Variants in PARP8 observed in about 807,000 individuals in gnomAD.
The protein encoded by PARP8 is poly(ADP-ribose) polymerase family member 8, also known as protein mono-ADP-ribosyltransferase PARP8.
In PARP8, 51 loss-of-function variants were observed where a neutral mutation model predicts 124.1. The observed-to-expected ratio is 0.41, with a 90% confidence interval of 0.33 to 0.52. The LOEUF (loss-of-function observed/expected upper bound fraction) is 0.52. PARP8 is among the 20% of genes least tolerant of loss of function. The pLI, the probability that PARP8 is intolerant of heterozygous loss-of-function variation, is 0.21. For synonymous variants in PARP8, 391 were observed against 361.5 expected, an observed-to-expected ratio of 1.08 and a Z score of -0.93; for missense variants, 860 against 1,018.9, an observed-to-expected ratio of 0.84 and a Z score of 2.12.
chr5:50,698,689 T>G (rs1248125749), intron 2 of PARP8, among the ~76,000 whole-genome samples: 1 of 152,136 alleles, frequency 6.6e-6, no homozygotes, highest in African/African-American at 2.4e-5. Flanking sequence ...ATCCCTTCTC[T>G]TAATGGATTG....
At chr5:50,835,373 T>C (rs1208113031) in intron 25 of PARP8, among the ~76,000 whole-genome samples, 7 of 152,016 alleles carry the variant, frequency 4.6e-5, no homozygotes, top group Non-Finnish European at 8.8e-5. Context: ...TGAAACGCTA[T>C]CTCTACTAAA....
intron 2 of PARP8, among the ~76,000 whole-genome samples, chr5:50,741,124 G>A (rs1758002143): frequency 6.6e-6 from 1 of 152,106 alleles, no homozygotes; most frequent in Admixed American, 6.5e-5. Context: ...ACATCTACAT[G>A]TTAGTGAATA....
intron 2 of PARP8, among the ~76,000 whole-genome samples, chr5:50,670,604 A>C (rs1749899534): frequency 6.6e-6 from 1 of 152,262 alleles, no homozygotes; most frequent in South Asian, 2.1e-4. Flanking sequence ...TCAGAGTGGC[A>C]GTTAACATCT....
At chr5:50,828,416 A>G in intron 21 of PARP8, 32 bp downstream of exon 21, 3 of 1,570,758 alleles carry the variant, frequency 1.9e-6, no homozygotes, top group Non-Finnish European at 2.6e-6. Context: ...ACAAGACTTC[A>G]TTCTTCTTCA....
At chr5:50,735,321 A>G (rs1757367082) in intron 2 of PARP8, among the ~76,000 whole-genome samples, 1 of 152,168 alleles carries the variant, frequency 6.6e-6, no homozygotes, top group African/African-American at 2.4e-5. Flanking sequence ...TTATAGATAA[A>G]TGCACTTGAA....
intron 2 of PARP8, among the ~76,000 whole-genome samples, chr5:50,721,263 T>C (rs1357284780): frequency 1.3e-5 from 2 of 152,032 alleles, no homozygotes; most frequent in African/African-American, 2.4e-5. Flanking sequence ...CTGGGAGTGC[T>C]TCCTCTGAGA....
intron 6 of PARP8, 75 bp from the exon 7 acceptor site, chr5:50,763,073 C>A: frequency 9.2e-7 from 1 of 1,089,654 alleles, no homozygotes; most frequent in East Asian, 2.4e-5. Context: ...CACAGGGAGA[C>A]CTGTCTCAAA....
At chr5:50,828,515 A>T in intron 21 of PARP8, 131 bp downstream of exon 21, 1 of 748,970 alleles carries the variant, frequency 1.3e-6, no homozygotes, top group East Asian at 2.5e-5. Context: ...AATTTCTAGT[A>T]GGCATACTAG....
At position 50,842,693 on chromosome 5, in the gene PARP8, T is replaced by TG. The variant is rs1561459251; in HGVS notation, c.*626dup. 6.6e-6 allele frequency: 1 copy of TG among 151,762 alleles called. No individual in the cohort carries two copies. 9.4% of individuals were successfully genotyped at this position (151,762 alleles called of 1,614,324 possible). A position where few individuals can be genotyped will look rare whatever the true frequency, so the allele number is the denominator to read the frequency against. On this transcript the variant is annotated 3_prime_UTR_variant, in exon 26 of 26. Transcript: ENST00000281631. ...TTTGTGTATATTCACACGTATGTTTTGACAAGAAAGATGGCTTAGCTTCAC... is the reference window on the plus strand; with the variant it reads ...TTTGTGTATATTCACACGTATGTTTTGGACAAGAAAGATGGCTTAGCTTCAC...
intron 2 of PARP8, among the ~76,000 whole-genome samples, chr5:50,740,213 G>A (rs956146283): frequency 1.3e-5 from 2 of 152,118 alleles, no homozygotes; most frequent in African/African-American, 4.8e-5. Flanking sequence ...CATACAATCA[G>A]CCATATTTAC....
At chr5:50,766,309 G>A (rs930039783) in intron 7 of PARP8, among the ~76,000 whole-genome samples, 13 of 152,136 alleles carry the variant, frequency 8.5e-5, no homozygotes, top group South Asian at 8.3e-4. Flanking sequence ...TGAACTTTGC[G>A]ATCAGTCTGA....
chr5:50,726,627 G>A (rs77478880), intron 2 of PARP8, among the ~76,000 whole-genome samples: 6,422 of 152,262 alleles, frequency 0.042, 439 homozygotes, highest in African/African-American at 0.15. Context: ...TTACCCCAGT[G>A]TGGGAAATCC....
At chr5:50,742,026 T>G (rs1580168062) in intron 2 of PARP8, 1 of 287,468 alleles carries the variant, frequency 3.5e-6, no homozygotes, top group Non-Finnish European at 6.9e-6. Context: ...GCCAGGCTGG[T>G]CTCGAACTCT....
intron 2 of PARP8, among the ~76,000 whole-genome samples, chr5:50,693,779 A>G (rs1752742254): frequency 6.6e-6 from 1 of 151,502 alleles, no homozygotes; most frequent in Admixed American, 6.6e-5. Context: ...TGGATTAATT[A>G]TATGATTGAG....
rs1388383379 is a variant in PARP8, at chr5:50,838,911, C to G, written c.2463-3055C>G. On this transcript the variant is annotated intron_variant, in intron 25 of 25. Coordinates refer to ENST00000281631, the MANE Select transcript of PARP8 (RefSeq NM_024615.4). ...ACATGGTCTTTTCCTTGGCACCTTCCCTGACCTCCCAGTCTGAAATGATTC... is the reference window on the plus strand; with the variant it reads ...ACATGGTCTTTTCCTTGGCACCTTCGCTGACCTCCCAGTCTGAAATGATTC... 2.0e-5 allele frequency among the ~76,000 whole-genome samples: 3 copies of G among 151,850 alleles called. No homozygotes were observed. The East Asian group carries it at 5.8e-4, about 29-fold the overall frequency.
intron 7 of PARP8, among the ~76,000 whole-genome samples, chr5:50,771,740 CATA>C (rs202092665): frequency 0.013 from 1,999 of 152,196 alleles, 54 homozygotes; most frequent in African/African-American, 0.046. Flanking sequence ...TTAATTGACA[CATA>C]ATAATTGTGC....
chr5:50,828,107 G>T (rs1283832356), intron 20 of PARP8, 51 bp downstream of exon 20: 1 of 1,338,944 alleles, frequency 7.5e-7, no homozygotes, highest in Non-Finnish European at 1.1e-6. Flanking sequence ...ACATTTTCCA[G>T]AAATGTATGG....
chr5:50,747,933 C>T (rs1056038431), intron 2 of PARP8, among the ~76,000 whole-genome samples: 7 of 151,292 alleles, frequency 4.6e-5, no homozygotes, highest in Admixed American at 2.6e-4. Flanking sequence ...CCACCGCGCC[C>T]GGCTAATTTT....
chr5:50,762,156 A>T (rs1760610999), intron 6 of PARP8, among the ~76,000 whole-genome samples: 1 of 152,152 alleles, frequency 6.6e-6, no homozygotes, highest in South Asian at 2.1e-4. Context: ...TGCAGATAGT[A>T]TTTTATTATG....
Sources: allele counts gnomAD v4.1 joint callset (sites outside exome capture counted in the v4.1 genomes callset), GRCh38; gene constraint gnomAD v4.1.1; transcripts MANE v1.5; gene names NCBI Gene and HGNC (gene_info 2026-07-23, HGNC 2026-07-21).